ASPH: variants seen among roughly 807,000 people sequenced by gnomAD.
The protein encoded by ASPH is aspartate beta-hydroxylase.
A neutral mutation model predicts 118.4 loss-of-function variants in ASPH; 100 were observed. That is an observed-to-expected ratio of 0.84 (90% CI 0.72 to 1.00). The LOEUF is 1.00. ASPH is among the 50% of genes least tolerant of loss of function. The pLI is 0.00. For missense variants in ASPH, 920 were observed against 919.5 expected, an observed-to-expected ratio of 1.00 and a Z score of -0.01; for synonymous variants, 315 against 325.6, an observed-to-expected ratio of 0.97 and a Z score of 0.35.
intron 1 of ASPH, among the ~76,000 whole-genome samples, chr8:61,703,803 A>G (rs1294631557): frequency 2.0e-5 from 3 of 152,206 alleles, no homozygotes; most frequent in African/African-American, 7.2e-5. Flanking sequence ...CAAAGTATCT[A>G]CACTATTTAG....
At chr8:61,672,541 T>C (rs1252014746) in intron 3 of ASPH, among the ~76,000 whole-genome samples, 2 of 151,764 alleles carry the variant, frequency 1.3e-5, no homozygotes, top group Non-Finnish European at 2.9e-5. Flanking sequence ...AAAAACTCAG[T>C]ATTTTATTAT....
intron 1 of ASPH, among the ~76,000 whole-genome samples, chr8:61,700,410 C>CTT (rs1834954596): frequency 6.6e-6 from 1 of 152,172 alleles, no homozygotes; most frequent in Non-Finnish European, 1.5e-5. Context: ...TCCAGACAGA[C>CTT]TTTTAAAAAG....
At chr8:61,683,339 A>C (rs1338195020) in intron 2 of ASPH, among the ~76,000 whole-genome samples, 4 of 152,146 alleles carry the variant, frequency 2.6e-5, no homozygotes, top group Non-Finnish European at 4.4e-5. Flanking sequence ...GTTTAAAAAA[A>C]GATTTTTGGG....
At chr8:61,712,796 G>T (rs1838353047) in intron 1 of ASPH, among the ~76,000 whole-genome samples, 1 of 152,200 alleles carries the variant, frequency 6.6e-6, no homozygotes, top group South Asian at 2.1e-4. Context: ...ACTTCCCTCA[G>T]ATGCAATCAG....
At chr8:61,685,147 T>C (rs1353589609) in intron 1 of ASPH, among the ~76,000 whole-genome samples, 1 of 152,106 alleles carries the variant, frequency 6.6e-6, no homozygotes, top group Admixed American at 6.6e-5. Context: ...CCACTATTTC[T>C]ACAGAGGGCA....
Position 61,665,316 on chromosome 8 carries a change from C to G in ASPH, c.323-11656G>C, listed in dbSNP as rs535299800. 6.2e-6 allele frequency: 10 copies of G among 1,613,438 alleles called. No homozygotes were observed. In the African/African-American group the frequency reaches 1.3e-4, roughly 22 times the overall value. On this transcript the variant is annotated intron_variant, in intron 3 of 24. Transcript: ENST00000379454. ...GCATATCTGGTAGAACTTCTACTTT[C>G]CTTTCTGTCATCTTTGTCTCGGGAT...
rs1838164372 is a variant in ASPH, at chr8:61,711,988, A to C, written c.103+2281T>G. Among the ~76,000 whole-genome samples the C allele has an allele frequency of 3.9e-5, 6 of 152,226 alleles. No homozygotes were observed. The South Asian group carries it at 1.2e-3, about 31-fold the overall frequency. ...AAACTTGATAATCTAGTTCAACTCC[A>C]ATTACATACTAGAGAACCTAAAATT... On this transcript the variant is annotated intron_variant, in intron 1 of 24. Coordinates refer to ENST00000379454, the MANE Select transcript of ASPH (RefSeq NM_004318.4).
At chr8:61,595,278 A>G (rs1842207121) in intron 14 of ASPH, among the ~76,000 whole-genome samples, 1 of 152,226 alleles carries the variant, frequency 6.6e-6, no homozygotes, top group African/African-American at 2.4e-5. Context: ...GTCTCTGGGG[A>G]GTAAGAAATA....
intron 3 of ASPH, chr8:61,663,664 T>C (rs1009027378): frequency 1.0e-6 from 1 of 984,058 alleles, no homozygotes; most frequent in African/African-American, 1.7e-5. Flanking sequence ...AAATCCTGAC[T>C]AATCAAAACA....
At chr8:61,525,344 A>G (rs1814867644) in intron 22 of ASPH, among the ~76,000 whole-genome samples, 1 of 138,300 alleles carries the variant, frequency 7.2e-6, no homozygotes, top group South Asian at 2.3e-4. Context: ...TTCACTGAAA[A>G]CACACACACA....
intron 24 of ASPH, among the ~76,000 whole-genome samples, chr8:61,511,764 C>T (rs138144036): frequency 0.089 from 13,585 of 152,160 alleles, 685 homozygotes; most frequent in Non-Finnish European, 0.12. Flanking sequence ...CCACCATGCC[C>T]GGCTAATTTT....
intron 1 of ASPH, among the ~76,000 whole-genome samples, chr8:61,707,798 T>C (rs968606492): frequency 6.6e-6 from 1 of 152,146 alleles, no homozygotes; most frequent in Non-Finnish European, 1.5e-5. Context: ...GTCAAAATAG[T>C]ATGCCAAGTA....
chr8:61,597,226 G>A (rs1842748789), intron 14 of ASPH, among the ~76,000 whole-genome samples: 1 of 151,160 alleles, frequency 6.6e-6, no homozygotes, highest in South Asian at 2.1e-4. Context: ...CAATGAAGGG[G>A]CCTGGCATGG....
chr8:61,623,414 T>C (rs1851648540), intron 13 of ASPH, among the ~76,000 whole-genome samples: 1 of 152,258 alleles, frequency 6.6e-6, no homozygotes, highest in Admixed American at 6.5e-5. Flanking sequence ...CCTATGAAGT[T>C]GTCTGAGCTC....
chr8:61,607,346 T>C, intron 14 of ASPH: 1 of 696,582 alleles, frequency 1.4e-6, no homozygotes, highest in Non-Finnish European at 2.6e-6. Context: ...TGTGTCGGAA[T>C]ATATATAATT....
Position 61,518,065 on chromosome 8 carries a change from C to A in ASPH, c.1959G>T (p.Lys653Asn). The part of the protein sequence containing the change: ...GAPKTCTLLE[K>N]FPETTGCRRG... ...TTCTGCATCCTGTTGTCTCGGGGAA[C>A]TTTTCTAGTAAGGTACAGGTTTTAG... The change falls in exon 23 of 25, where the codon AAG becomes AAT. Residue 653 changes from lysine (K) to asparagine (N), a missense_variant. Lys to Asn is a moderately conservative substitution (Grantham distance 94). Transcript: ENST00000379454. The A allele has an allele frequency of 1.2e-6, 2 of 1,613,986 alleles. No homozygotes were observed. Among genetic ancestry groups the A allele is most frequent in the Non-Finnish European group, 8.5e-7 (1 of 1,179,924 alleles).
rs398008041 is a variant in ASPH, at chr8:61,628,323, C to CTTTTTTT, written c.934+5353_934+5359dup. On this transcript the variant is annotated intron_variant, in intron 13 of 24. Coordinates refer to ENST00000379454, the MANE Select transcript of ASPH (RefSeq NM_004318.4). ...TACAGGCACGTGACACCAAGCCCGG[C>CTTTTTTT]TTTTTTTTTTTTTTTTTTTTTTTTT... The CTTTTTTT allele has an allele frequency of 1.1e-3, 223 of 196,682 alleles. 8 individuals are homozygous for CTTTTTTT. The African/African-American group carries it at 0.012, about 11-fold the overall frequency. 12.2% of individuals were successfully genotyped at this position (196,682 alleles called of 1,614,324 possible).
intron 14 of ASPH, among the ~76,000 whole-genome samples, chr8:61,604,166 A>G (rs1452614924): frequency 6.6e-6 from 1 of 152,182 alleles, no homozygotes; most frequent in African/African-American, 2.4e-5. Context: ...TCAATGAGTG[A>G]GCATATGAAT....
intron 1 of ASPH, among the ~76,000 whole-genome samples, chr8:61,704,774 G>T (rs906257841): frequency 6.6e-5 from 10 of 152,092 alleles, no homozygotes; most frequent in African/African-American, 2.4e-4. Flanking sequence ...ACAGTAAGAA[G>T]CCACGGCATA....
Sources: gnomAD v4.1 joint callset for allele counts (sites outside exome capture counted in the v4.1 genomes callset) on GRCh38, gnomAD v4.1.1 for gene constraint, MANE v1.5 for transcripts, NCBI Gene and HGNC (gene_info 2026-07-23, HGNC 2026-07-21) for gene names.